Variants in SLC38A6 observed in about 807,000 individuals in gnomAD.
The protein encoded by SLC38A6 is solute carrier family 38 member 6.
SLC38A6 carries 73 observed loss-of-function variants against 65.0 expected under a neutral mutation model. The observed-to-expected ratio is 1.12, with a 90% CI of 0.93 to 1.37. The LOEUF (loss-of-function observed/expected upper bound fraction) is 1.37, where lower values mean the gene tolerates loss of function less well. Ranked by LOEUF, SLC38A6 falls within the 40% of genes most tolerant of loss-of-function variation. The probability of loss-of-function intolerance (pLI) is 0.00; values close to 1 mark genes in which losing one functional copy is unlikely to be tolerated. For missense variants in SLC38A6, 561 were observed against 531.1 expected (o/e 1.06, Z -0.55); for synonymous variants, 183 against 178.8 (o/e 1.02, Z -0.19).
intron 6 of SLC38A6, chr14:61,034,151 T>G (rs1198040689): frequency 1.3e-5 from 2 of 152,146 alleles, no homozygotes; most frequent in East Asian, 3.8e-4. Context: ...AGTGCTTTGG[T>G]CAGTTATATG....
intron 8 of SLC38A6, among the ~76,000 whole-genome samples, chr14:61,042,058 C>T (rs1431344148): frequency 6.6e-6 from 1 of 151,686 alleles, no homozygotes; most frequent in African/African-American, 2.4e-5. Context: ...GTAAGTTGAC[C>T]GTTTCATTTT....
At chr14:61,079,618 T>A (rs1310707307) in intron 16 of SLC38A6, among the ~76,000 whole-genome samples, 2 of 152,222 alleles carry the variant, frequency 1.3e-5, no homozygotes, top group African/African-American at 4.8e-5. Flanking sequence ...TGATGCTACA[T>A]TTAATTTCTC....
intron 15 of SLC38A6, among the ~76,000 whole-genome samples, chr14:61,061,280 T>C (rs1295167838): frequency 6.6e-6 from 1 of 152,228 alleles, no homozygotes; most frequent in Non-Finnish European, 1.5e-5. Context: ...GCATCCCGTA[T>C]AAGTGTACTT....
intron 13 of SLC38A6, among the ~76,000 whole-genome samples, chr14:61,051,146 A>G (rs2042485530): frequency 6.6e-6 from 1 of 152,190 alleles, no homozygotes; most frequent in African/African-American, 2.4e-5. Flanking sequence ...AATCTTAAGA[A>G]TTTCTGAGAA....
At chr14:61,009,430 A>C (rs1030392229) in intron 3 of SLC38A6, among the ~76,000 whole-genome samples, 18 of 152,188 alleles carry the variant, frequency 1.2e-4, no homozygotes, top group Non-Finnish European at 2.4e-4. Flanking sequence ...GTACATGTAC[A>C]CAACGTGCAG....
chr14:61,072,316 G>C (rs1353839415), intron 15 of SLC38A6, among the ~76,000 whole-genome samples: 4 of 152,114 alleles, frequency 2.6e-5, no homozygotes, highest in Non-Finnish European at 4.4e-5. Context: ...CATGCAATGT[G>C]AAACAGTCAC....
At chr14:61,054,439 C>T (rs1331857595), downstream of SLC38A6, among the ~76,000 whole-genome samples, 1 of 152,140 alleles carries the variant, frequency 6.6e-6, no homozygotes, top group Non-Finnish European at 1.5e-5. Context: ...ATAGGAATAG[C>T]ATTGAATCTG....
intron 1 of SLC38A6, among the ~76,000 whole-genome samples, chr14:60,981,876 A>C (rs2037061574): frequency 6.6e-6 from 1 of 152,208 alleles, no homozygotes; most frequent in Non-Finnish European, 1.5e-5. Context: ...CTGACCCTAA[A>C]GCCTGTGCAG....
rs75456074 is a variant in SLC38A6, at chr14:61,079,615, A to G, written c.1408+688A>G. On this transcript the variant is annotated intron_variant, in intron 16 of 16. Transcript: ENST00000354886. ...AACCTATGCTCAACATCTTGATGCT[A>G]CATTTAATTTCTCTAAATGATAAAA... is the stretch of plus-strand genomic sequence containing the variant. 5.0e-3 allele frequency among the ~76,000 whole-genome samples: 769 copies of G among 152,302 alleles called. 12 individuals are homozygous for G. The highest frequency in any genetic ancestry group is 0.017 in the African/African-American group (720 of 41,548).
At chr14:60,994,092 C>T (rs183704441) in intron 3 of SLC38A6, among the ~76,000 whole-genome samples, 129 of 152,226 alleles carry the variant, frequency 8.5e-4, no homozygotes, top group Non-Finnish European at 1.6e-3. Context: ...TTGGTATTTA[C>T]CCAAATGAGT....
intron 3 of SLC38A6, among the ~76,000 whole-genome samples, chr14:61,006,474 A>G (rs1422102236): frequency 1.3e-5 from 2 of 152,214 alleles, no homozygotes; most frequent in African/African-American, 4.8e-5. Context: ...ACTCAAACAA[A>G]TTTACAGGAA....
At chr14:61,027,132 T>C (rs1310108608) in intron 5 of SLC38A6, among the ~76,000 whole-genome samples, 1 of 152,184 alleles carries the variant, frequency 6.6e-6, no homozygotes, top group East Asian at 1.9e-4. Context: ...AACTTCTGTG[T>C]TTTCAGTTGA....
chr14:61,050,150 A>C (rs2042420835), intron 12 of SLC38A6, among the ~76,000 whole-genome samples: 1 of 152,186 alleles, frequency 6.6e-6, no homozygotes, highest in Non-Finnish European at 1.5e-5. Flanking sequence ...CTACCTGCGT[A>C]TTAATATTGT....
intron 4 of SLC38A6, among the ~76,000 whole-genome samples, chr14:61,017,769 C>CA (rs1193164797): frequency 3.9e-5 from 6 of 152,018 alleles, no homozygotes; most frequent in Non-Finnish European, 7.4e-5. Flanking sequence ...ATACATGCAC[C>CA]AAAAAAGTTC....
chr14:60,991,010 C>T (rs531523094), intron 3 of SLC38A6, among the ~76,000 whole-genome samples: 7 of 152,302 alleles, frequency 4.6e-5, no homozygotes, highest in African/African-American at 1.4e-4. Flanking sequence ...ATAATTTTCT[C>T]ATTTAATTGC....
intron 3 of SLC38A6, among the ~76,000 whole-genome samples, chr14:60,990,969 C>A (rs1335994023): frequency 6.6e-6 from 1 of 152,210 alleles, no homozygotes; most frequent in Non-Finnish European, 1.5e-5. Context: ...AGGCATGAGC[C>A]ATCGTGCCTG....
intron 1 of SLC38A6, chr14:60,982,175 C>T: frequency 2.1e-6 from 1 of 467,002 alleles, no homozygotes; most frequent in Non-Finnish European, 4.3e-6. Context: ...ATCACATGAG[C>T]TGAGGCCTTA....
intron 5 of SLC38A6, among the ~76,000 whole-genome samples, chr14:61,023,867 A>G (rs1225543174): frequency 6.6e-6 from 1 of 152,066 alleles, no homozygotes; most frequent in East Asian, 1.9e-4. Flanking sequence ...TCCATATTCC[A>G]TAAATCAAAT....
rs1030404925 is a variant in SLC38A6, at chr14:60,988,928, A to G, written c.310+4125A>G. 2.6e-5 allele frequency among the ~76,000 whole-genome samples: 4 copies of G among 152,226 alleles called. 1 individual carries two copies. In the South Asian group the frequency reaches 8.3e-4, roughly 32 times the overall value. On this transcript the variant is annotated intron_variant, in intron 3 of 15. Transcript: ENST00000267488. ...ATGCAGACTGATATCACTATAATTC[A>G]ACGTCTAGTGTACCTATGATGCTAT...
Sources: gnomAD v4.1 joint callset for allele counts (sites outside exome capture counted in the v4.1 genomes callset) on GRCh38, gnomAD v4.1.1 for gene constraint, MANE v1.5 for transcripts, NCBI Gene and HGNC (gene_info 2026-07-23, HGNC 2026-07-21) for gene names.